LUZP1: variants seen among roughly 807,000 people sequenced by gnomAD.
LUZP1 encodes filamin mechanobinding actin cross-linking protein.
Under a neutral mutation model 71.3 loss-of-function variants are expected in LUZP1, and 25 were observed. The observed-to-expected ratio is 0.35, with a 90% CI of 0.26 to 0.49. The LOEUF (loss-of-function observed/expected upper bound fraction) is 0.49. Among genes scored for constraint, LUZP1 ranks in the 20% least tolerant of loss-of-function variants. LUZP1 has a pLI of 0.99. For synonymous variants in LUZP1, 481 were observed against 506.4 expected (o/e 0.95, Z 0.67); for missense variants, 1,142 against 1,300.8 (o/e 0.88, Z 1.88).
intron 3 of LUZP1, among the ~76,000 whole-genome samples, chr1:23,095,279 C>T (rs1643886672): frequency 1.3e-5 from 2 of 152,042 alleles, no homozygotes; most frequent in African/African-American, 2.4e-5. Flanking sequence ...ATAAGTCCTA[C>T]GAAATTAAAA....
chr1:23,093,952 G>C lies in LUZP1; in HGVS notation c.310C>G (p.Arg104Gly), dbSNP rs769728664. 13 of 1,613,982 alleles carry C rather than the reference G, an allele frequency of 8.1e-6. No individual in the cohort carries two copies. The highest frequency in any genetic ancestry group is 3.3e-4 in the Middle Eastern group (2 of 6,084). Residue 104 changes from arginine (R) to glycine (G), a missense_variant, in exon 4 of 5, where the codon CGG (arginine) becomes GGG (glycine). Coordinates refer to ENST00000302291, the Ensembl canonical transcript of LUZP1. The surrounding 1 kb of genome is among the most constrained non-coding windows in gnomAD (Gnocchi z 4.2). ...CGCTCAATCTCAGATTTCAGCTCCC[G>C]GGTGAGGTTTTCTTCCTCTTCAAGT...
chr1:23,132,182 G>C (rs1334641993), intron 2 of LUZP1, among the ~76,000 whole-genome samples: 1 of 152,080 alleles, frequency 6.6e-6, no homozygotes, highest in East Asian at 1.9e-4. Flanking sequence ...ACATCTTTAA[G>C]TCAACAAATA....
rs58129873 is a variant in LUZP1 at position 23,141,846 on chromosome 1, A to ATTTT, written c.-226+26916_-226+26919dup. Among the ~76,000 whole-genome samples the ATTTT allele has an allele frequency of 3.0e-3, 436 of 143,094 alleles. 5 individuals carry two copies. The highest frequency in any genetic ancestry group is 0.011 in the African/African-American group (418 of 38,706). The allele number at this position is 143,094 out of a possible 152,430, so 93.9% of individuals were successfully genotyped here. On this transcript the variant is annotated intron_variant, in intron 2 of 4. Coordinates refer to ENST00000302291, the Ensembl canonical transcript of LUZP1. ...AGGCATACACCACAATGCCCAGCTA[A>ATTTT]TTTTTTTTTTTTTTTTGAGACAGTT...
intron 2 of LUZP1, among the ~76,000 whole-genome samples, chr1:23,124,155 A>C (rs992855076): frequency 6.6e-6 from 1 of 152,222 alleles, no homozygotes; most frequent in Non-Finnish European, 1.5e-5. Context: ...GCAAATGGAA[A>C]GCTGCAGCCC....
At chr1:23,148,288 T>C (rs1480915911) in intron 2 of LUZP1, among the ~76,000 whole-genome samples, 1 of 151,942 alleles carries the variant, frequency 6.6e-6, no homozygotes, top group Non-Finnish European at 1.5e-5. Flanking sequence ...CATCTGAAAA[T>C]AGTGAATGAC....
chr1:23,117,393 T>C (rs958822122), intron 2 of LUZP1, among the ~76,000 whole-genome samples: 1 of 143,810 alleles, frequency 7.0e-6, no homozygotes, highest in Admixed American at 7.2e-5. Context: ...TGAACGAAAA[T>C]ATACCCTACA....
chr1:23,147,382 A>G (rs1644351909), intron 2 of LUZP1, among the ~76,000 whole-genome samples: 1 of 150,942 alleles, frequency 6.6e-6, no homozygotes, highest in Non-Finnish European at 1.5e-5. Flanking sequence ...CAGAAGTTGC[A>G]GTGAGCCGAG....
At chr1:23,142,757 T>C (rs1366738911) in intron 2 of LUZP1, among the ~76,000 whole-genome samples, 1 of 149,200 alleles carries the variant, frequency 6.7e-6, no homozygotes, top group East Asian at 2.0e-4. Flanking sequence ...ACACAGATTT[T>C]TGACAGCACC....
At chr1:23,165,299 G>A (rs755890387) in intron 2 of LUZP1, among the ~76,000 whole-genome samples, 16 of 150,976 alleles carry the variant, frequency 1.1e-4, no homozygotes, top group Non-Finnish European at 2.1e-4. Flanking sequence ...GTCAAAATTT[G>A]TCAAACTGTA....
intron 2 of LUZP1, among the ~76,000 whole-genome samples, chr1:23,153,271 A>T (rs752381241): frequency 9.2e-5 from 14 of 152,208 alleles, no homozygotes; most frequent in Non-Finnish European, 5.9e-5. Context: ...TAATACGTCT[A>T]ATCTCTATCT....
At chr1:23,136,295 AACACACACACACAC>A (rs10578041) in intron 2 of LUZP1, among the ~76,000 whole-genome samples, 46 of 130,246 alleles carry the variant, frequency 3.5e-4, no homozygotes, top group East Asian at 1.4e-3. Flanking sequence ...TTCCGTCTTA[AACACACACACACAC>A]ACACACACAC....
chr1:23,121,251 C>T (rs1644127216), intron 2 of LUZP1, among the ~76,000 whole-genome samples: 1 of 152,158 alleles, frequency 6.6e-6, no homozygotes, highest in African/African-American at 2.4e-5. Context: ...TGTACTTCTT[C>T]AATAATTTGT....
chr1:23,157,157 T>C (rs897401316), intron 2 of LUZP1, among the ~76,000 whole-genome samples: 1 of 151,636 alleles, frequency 6.6e-6, no homozygotes, highest in African/African-American at 2.4e-5. Flanking sequence ...CATGCCAAAA[T>C]CCCATTTCTA....
In LUZP1 at chr1:23,093,013, T is replaced by C; in HGVS notation, c.1249A>G (p.Ser417Gly). 6.2e-7 allele frequency: 1 copy of C among 1,614,184 alleles called. No individual in the cohort carries two copies. The highest frequency in any genetic ancestry group is 8.5e-7 in the Non-Finnish European group (1 of 1,180,024). Residue 417 changes from serine (S) to glycine (G), a missense_variant, in exon 4 of 5, where the codon AGC becomes GGC. Physicochemically the swap from Ser to Gly is moderately conservative, Grantham distance 56. Transcript: ENST00000302291. This position sits in a 1 kb window ranked among gnomAD's most constrained non-coding sequence, Gnocchi z 4.2. Reference sequence around the variant, plus strand: ...CTGGGAGAAGAAACCTGCCTGTTGCTCAGAGAATAGTTTTCATTGTTGAGA... The same window carrying C: ...CTGGGAGAAGAAACCTGCCTGTTGCCCAGAGAATAGTTTTCATTGTTGAGA...
intron 2 of LUZP1, among the ~76,000 whole-genome samples, chr1:23,153,659 CTGTTTTTGTTT>C (rs1644400078): frequency 6.6e-6 from 1 of 151,714 alleles, no homozygotes; most frequent in Admixed American, 6.6e-5. Flanking sequence ...TTTCTCTTAC[CTGTTTTTGTTT>C]TGTTTTGTTT....
rs1180865136 is a variant in LUZP1, at chr1:23,093,934, T to C, written c.328A>G (p.Ile110Val). 6.2e-7 allele frequency: 1 copy of C among 1,614,214 alleles called. No individual in the cohort carries two copies. Reference sequence around the variant, plus strand: ...GCCATTCGTTTCTGAAGCCGCTCAATCTCAGATTTCAGCTCCCGGGTGAGG... The same window carrying C: ...GCCATTCGTTTCTGAAGCCGCTCAACCTCAGATTTCAGCTCCCGGGTGAGG... Residue 110 changes from isoleucine to valine, a missense_variant, in exon 4 of 5, where the codon ATT becomes GTT. Physicochemically the swap from Ile to Val is conservative, Grantham distance 29. Transcript: ENST00000302291. This position sits in a 1 kb window ranked among gnomAD's most constrained non-coding sequence, Gnocchi z 4.2.
At chr1:23,117,767 A>G (rs72877234) in intron 2 of LUZP1, among the ~76,000 whole-genome samples, 1,933 of 152,176 alleles carry the variant, frequency 0.013, 56 homozygotes, top group African/African-American at 0.044. Flanking sequence ...ACACTTGCCA[A>G]CATGTCTCAC....
chr1:23,117,790 A>G (rs1569601758), intron 2 of LUZP1, among the ~76,000 whole-genome samples: 1 of 152,176 alleles, frequency 6.6e-6, no homozygotes, highest in South Asian at 2.1e-4. Context: ...CAAAGTCTAC[A>G]TTATTAAAAA....
At chr1:23,136,295 A>AACAC (rs10578041) in intron 2 of LUZP1, among the ~76,000 whole-genome samples, 4,632 of 130,192 alleles carry the variant, frequency 0.036, 120 homozygotes, top group African/African-American at 0.067. Flanking sequence ...TTCCGTCTTA[A>AACAC]ACACACACAC....
Sources: gnomAD v4.1 joint callset for allele counts (sites outside exome capture counted in the v4.1 genomes callset) on GRCh38, gnomAD v4.1.1 for gene constraint, Gnocchi (gnomAD v3.1) non-coding constraint, MANE v1.5 for transcripts, NCBI Gene and HGNC (gene_info 2026-07-23, HGNC 2026-07-21) for gene names.